The following CERS1 variants were observed in gnomAD, a reference collection of about 807,000 sequenced individuals.
CERS1 encodes ceramide synthase 1.
A neutral mutation model predicts 35.7 loss-of-function variants in CERS1; 16 were observed. The observed-to-expected ratio is 0.45, with a 90% CI of 0.30 to 0.68. The LOEUF is 0.68. CERS1 is among the 30% of genes least tolerant of loss of function. The pLI is 0.08. For synonymous variants in CERS1, 243 were observed against 201.6 expected (o/e 1.21, Z -1.74); for missense variants, 454 against 453.9 (o/e 1.00, Z 0.00).
chr19:18,872,699 A>ATATT (rs750481471), intron 6 of CERS1, among the ~76,000 whole-genome samples: 97 of 46,028 alleles, frequency 2.1e-3, no homozygotes, highest in Middle Eastern at 7.2e-3. Flanking sequence ...TATTTTTAGT[A>ATATT]GAGATGCGGT....
At chr19:18,884,677 G>T (rs2056305864) in intron 2 of CERS1, among the ~76,000 whole-genome samples, 1 of 144,288 alleles carries the variant, frequency 6.9e-6, no homozygotes, top group African/African-American at 2.6e-5. Flanking sequence ...AAAGTTCTGG[G>T]ATTACAGGCG....
intron 3 of CERS1, chr19:18,881,650 C>T (rs1262944906): frequency 6.6e-6 from 1 of 152,264 alleles, no homozygotes; most frequent in African/African-American, 2.4e-5. Flanking sequence ...AGTCCCTGTT[C>T]CTTGCTCTGT....
intron 2 of CERS1, among the ~76,000 whole-genome samples, chr19:18,890,042 T>C (rs1188816891): frequency 6.6e-6 from 1 of 152,184 alleles, no homozygotes; most frequent in African/African-American, 2.4e-5. Context: ...CTGGGGTAGA[T>C]GCCCAACCCA....
At chr19:18,880,458 G>A in intron 3 of CERS1, 23 bp from the exon 4 acceptor site, 1 of 1,562,098 alleles carries the variant, frequency 6.4e-7, no homozygotes, top group Non-Finnish European at 8.7e-7. Context: ...CAGGCAGAGA[G>A]GAGAGGGCAG....
intron 2 of CERS1, among the ~76,000 whole-genome samples, chr19:18,891,754 G>C (rs2056496219): frequency 6.6e-6 from 1 of 151,592 alleles, no homozygotes; most frequent in Admixed American, 6.6e-5. Context: ...ATTTTTTGTA[G>C]AGATGGAGGT....
Position 18,895,397 on chromosome 19 carries a change from G to A in CERS1, c.249+427C>T, listed in dbSNP as rs2056600724. Among the ~76,000 whole-genome samples, 1 of 152,172 alleles carries A rather than the reference G, an allele frequency of 6.6e-6. No individual in the cohort carries two copies. The highest frequency in any genetic ancestry group is 1.5e-5 in the Non-Finnish European group (1 of 68,014). On this transcript the variant is annotated intron_variant, in intron 1 of 7. Coordinates refer to ENST00000623882, the MANE Select transcript of CERS1 (RefSeq NM_021267.5). The surrounding 1 kb of genome is among the most constrained non-coding windows in gnomAD (Gnocchi z 6.4). ...CCGAGCCCTCCCGTTCCCGGTCCTGGGCTTCTCAGTGTCTGGCTCGGCCCT... is the reference window on the plus strand; with the variant it reads ...CCGAGCCCTCCCGTTCCCGGTCCTGAGCTTCTCAGTGTCTGGCTCGGCCCT...
Position 18,868,879 on chromosome 19 carries a change from C to T in CERS1, c.*1106G>A, listed in dbSNP as rs1433882102. The T allele has an allele frequency of 2.2e-5, 32 of 1,434,302 alleles. No individual in the cohort carries two copies. Among genetic ancestry groups the T allele is most frequent in the African/African-American group, 3.0e-5 (2 of 66,750 alleles). The allele number at this position is 1,434,302 out of a possible 1,614,324, so 88.8% of individuals were successfully genotyped here. A position where few individuals can be genotyped will look rare whatever the true frequency, so the allele number is the denominator to read the frequency against. ...GCGCGATGACCCAGCGGTGCCAGCC[C>T]ACCTCGCGGAAGCTCACGTACAGCC... On this transcript the variant is annotated 3_prime_UTR_variant, in exon 8 of 8. Coordinates refer to ENST00000623882, the MANE Select transcript of CERS1 (RefSeq NM_021267.5).
chr19:18,893,274 G>T, intron 2 of CERS1, 142 bp downstream of exon 2: 2 of 849,848 alleles, frequency 2.4e-6, no homozygotes, highest in Admixed American at 2.7e-5. Context: ...GAGTGCAGTG[G>T]CGTGCTCATA....
intron 4 of CERS1, 130 bp downstream of exon 4, chr19:18,880,144 T>A: frequency 1.8e-4 from 113 of 614,118 alleles, no homozygotes; most frequent in Middle Eastern, 6.0e-4. Context: ...ATGAGGCCCC[T>A]CCCCTGTCAT....
intron 2 of CERS1, among the ~76,000 whole-genome samples, chr19:18,890,772 C>T (rs2056469209): frequency 7.3e-6 from 1 of 136,386 alleles, no homozygotes; most frequent in Non-Finnish European, 1.6e-5. Context: ...CAGAGTAAGA[C>T]CGCGTCTGGG....
intron 3 of CERS1, 84 bp downstream of exon 3, chr19:18,884,003 C>T: frequency 7.0e-7 from 1 of 1,434,278 alleles, no homozygotes; most frequent in Non-Finnish European, 9.4e-7. Context: ...CCTCCACGGC[C>T]TCCTCTGTGC....
intron 2 of CERS1, among the ~76,000 whole-genome samples, chr19:18,885,036 G>A (rs1245868111): frequency 1.3e-5 from 2 of 151,786 alleles, no homozygotes; most frequent in Non-Finnish European, 2.9e-5. Context: ...TTTATTTTAG[G>A]AAGAGTTTTG....
rs1178993872 is a variant in CERS1 at position 18,868,576 on chromosome 19, C to T, written c.*1409G>A. The T allele has an allele frequency of 6.5e-7, 1 of 1,530,576 alleles. No homozygotes were observed. The highest frequency in any genetic ancestry group is 8.9e-7 in the Non-Finnish European group (1 of 1,129,546). The allele number at this position is 1,530,576 out of a possible 1,614,324, so 94.8% of individuals were successfully genotyped here. ...ACCACGCGGCATTTATTGTTGGGCC[C>T]GCGTCCCTGCCCGCCCCGGGTTAGC... On this transcript the variant is annotated 3_prime_UTR_variant, in exon 8 of 8. Coordinates refer to ENST00000623882, the MANE Select transcript of CERS1 (RefSeq NM_021267.5).
chr19:18,873,345 G>A (rs1236879942), intron 6 of CERS1, among the ~76,000 whole-genome samples: 1 of 152,006 alleles, frequency 6.6e-6, no homozygotes, highest in African/African-American at 2.4e-5. Flanking sequence ...AAGGGCCCCA[G>A]AAGAGAAGGA....
intron 2 of CERS1, among the ~76,000 whole-genome samples, chr19:18,891,258 C>A (rs911614257): frequency 1.4e-4 from 21 of 152,206 alleles, no homozygotes; most frequent in African/African-American, 4.8e-4. Flanking sequence ...GTGGCACATC[C>A]ACTGTACACT....
chr19:18,881,908 C>G (rs1378029698), intron 3 of CERS1: 1 of 152,276 alleles, frequency 6.6e-6, no homozygotes, highest in African/African-American at 2.4e-5. Flanking sequence ...CTCCCGGGTT[C>G]AAGCGATTCT....
chr19:18,880,644 C>T (rs1367399549), intron 3 of CERS1, among the ~76,000 whole-genome samples: 3 of 151,928 alleles, frequency 2.0e-5, no homozygotes, highest in Non-Finnish European at 4.4e-5. Flanking sequence ...GCACCCCCAA[C>T]CAGACCCTCA....
chr19:18,896,363 A>AC (rs1194027471), upstream of CERS1, among the ~76,000 whole-genome samples: 2 of 145,464 alleles, frequency 1.4e-5, no homozygotes, highest in Non-Finnish European at 3.0e-5. This position sits in a 1 kb window ranked among gnomAD's most constrained non-coding sequence, Gnocchi z 5.9. Flanking sequence ...ACCCCGAGAG[A>AC]CCCCGCGCAC....
At chr19:18,888,198 A>G (rs1447881316) in intron 2 of CERS1, among the ~76,000 whole-genome samples, 1 of 152,040 alleles carries the variant, frequency 6.6e-6, no homozygotes, top group African/African-American at 2.4e-5. Flanking sequence ...CAGCTCTACT[A>G]AAATACTAAA....
Sources: allele counts gnomAD v4.1 joint callset (sites outside exome capture counted in the v4.1 genomes callset), GRCh38; gene constraint gnomAD v4.1.1; non-coding constraint Gnocchi (gnomAD v3.1); transcripts MANE v1.5; gene names NCBI Gene and HGNC (gene_info 2026-07-23, HGNC 2026-07-21).